FLT3: variants seen among roughly 807,000 people sequenced by gnomAD.
FLT3 encodes fms related receptor tyrosine kinase 3.
A neutral mutation model predicts 126.6 loss-of-function variants in FLT3; 46 were observed. The ratio of observed to expected loss-of-function variants is 0.36; its 90% confidence interval spans 0.29 to 0.46. The LOEUF is 0.46. Among genes scored for constraint, FLT3 ranks in the 20% least tolerant of loss-of-function variants. The pLI, the probability that FLT3 is intolerant of heterozygous loss-of-function variation, is 1.00. For synonymous variants in FLT3, 404 were observed against 434.4 expected (o/e 0.93, Z 0.87); for missense variants, 1,069 against 1,190.3 (o/e 0.90, Z 1.50).
intron 23 of FLT3, among the ~76,000 whole-genome samples, chr13:28,004,440 G>A (rs1042093136): frequency 1.3e-5 from 2 of 151,894 alleles, no homozygotes; most frequent in Non-Finnish European, 2.9e-5. Context: ...TGAGTAGCTG[G>A]GACCACAAGC....
rs1425699032 is a variant in FLT3, at chr13:28,014,451, C to T, written c.2859+1G>A. On this transcript the variant is annotated splice_donor_variant, in intron 23 of 23. Coordinates refer to ENST00000241453, the MANE Select transcript of FLT3 (RefSeq NM_004119.3). LOFTEE classifies it high-confidence loss of function. Reference sequence around the variant, plus strand: ...TTTATAAAGTCCTGGCTGCTACATACCGCTTCTTCTGCATCTGCCAGCTGA... The same window carrying T: ...TTTATAAAGTCCTGGCTGCTACATATCGCTTCTTCTGCATCTGCCAGCTGA... 1 of 1,605,540 alleles carries T rather than the reference C, an allele frequency of 6.2e-7. No homozygotes were observed. The highest frequency in any genetic ancestry group is 1.3e-5 in the African/African-American group (1 of 74,840).
At position 28,100,346 on chromosome 13, in the gene FLT3, G is replaced by T; in HGVS notation, c.43+122C>A. 1 of 642,842 alleles carries T rather than the reference G, an allele frequency of 1.6e-6. No homozygotes were observed. The highest frequency in any genetic ancestry group is 2.2e-6 in the Non-Finnish European group (1 of 458,352). 39.8% of individuals were successfully genotyped at this position (642,842 alleles called of 1,614,324 possible). A position where few individuals can be genotyped will look rare whatever the true frequency, so the allele number is the denominator to read the frequency against. On this transcript the variant is annotated intron_variant, in intron 1 of 23. Coordinates refer to ENST00000241453, the MANE Select transcript of FLT3 (RefSeq NM_004119.3). The surrounding 1 kb of genome is among the most constrained non-coding windows in gnomAD (Gnocchi z 4.8). ...GAGGGGAGGGGCGCGGGAGGCAATG[G>T]AAGGAGCGAGCGCGGGGAGGAGCGA... is the stretch of plus-strand genomic sequence containing the variant.
At chr13:28,073,519 A>T (rs925961383) in intron 1 of FLT3, 1 of 202,298 alleles carries the variant, frequency 4.9e-6, no homozygotes, top group East Asian at 1.4e-4. Context: ...TCTAGTCTTT[A>T]AAAAAATAGT....
At chr13:28,040,216 A>T (rs1215860988) in intron 9 of FLT3, among the ~76,000 whole-genome samples, 1 of 152,192 alleles carries the variant, frequency 6.6e-6, no homozygotes, top group African/African-American at 2.4e-5. Flanking sequence ...GAGGGGTAAT[A>T]AGCAGTTGGA....
intron 9 of FLT3, among the ~76,000 whole-genome samples, chr13:28,044,285 C>A (rs773271777): frequency 2.2e-4 from 33 of 151,736 alleles, no homozygotes; most frequent in Non-Finnish European, 4.1e-4. Context: ...CCCGTCTCTA[C>A]TAAAAATACA....
chr13:28,052,564 A>C lies in FLT3; in HGVS notation c.595T>G (p.Cys199Gly). The change falls in exon 5 of 24, where the codon TGC (cysteine) becomes GGC (glycine). Residue 199 changes from cysteine (C) to glycine (G), a missense_variant. Transcript: ENST00000241453. ...VPEPIVEWVL[C>G]DSQGESCKEE... ...TCATACCTTTCCCCCTGTGAATCGC[A>C]AAGCACCCATTCCACGATCGGCTCT... 1 of 1,613,470 alleles carries C rather than the reference A, an allele frequency of 6.2e-7. No homozygotes were observed. The highest frequency in any genetic ancestry group is 1.1e-5 in the South Asian group (1 of 90,970).
intron 1 of FLT3, among the ~76,000 whole-genome samples, chr13:28,075,540 CA>C (rs1877870127): frequency 6.6e-6 from 1 of 152,048 alleles, no homozygotes; most frequent in Non-Finnish European, 1.5e-5. Context: ...GCCTGGCCAA[CA>C]TGGTGAAACC....
chr13:28,073,939 C>T (rs12100078), intron 1 of FLT3, among the ~76,000 whole-genome samples: 2 of 20,294 alleles, frequency 9.9e-5, no homozygotes, highest in East Asian at 3.8e-3. Flanking sequence ...GATCCTGCCT[C>T]TAAAAAAAAA....
intron 18 of FLT3, among the ~76,000 whole-genome samples, chr13:28,023,901 G>C (rs571333720): frequency 6.6e-6 from 1 of 150,458 alleles, no homozygotes; most frequent in Non-Finnish European, 1.5e-5. Context: ...TCAGCTTCCC[G>C]AGTAGCTGGG....
chr13:28,013,582 G>A (rs1871579865), intron 23 of FLT3, among the ~76,000 whole-genome samples: 1 of 152,198 alleles, frequency 6.6e-6, no homozygotes, highest in South Asian at 2.1e-4. Flanking sequence ...GTTGATGGGG[G>A]AAGCGTTAGC....
intron 2 of FLT3, among the ~76,000 whole-genome samples, chr13:28,065,415 G>C (rs960652932): frequency 7.9e-5 from 12 of 152,120 alleles, no homozygotes; most frequent in Admixed American, 7.9e-4. Flanking sequence ...GCCAAGGCAA[G>C]AGGATCACTT....
intron 3 of FLT3, among the ~76,000 whole-genome samples, chr13:28,059,169 C>T (rs538411758): frequency 6.6e-6 from 1 of 152,274 alleles, no homozygotes; most frequent in South Asian, 2.1e-4. Flanking sequence ...TGTATTTGAC[C>T]TTAAAAACAA....
At chr13:28,054,643 G>A (rs1875845724) in intron 4 of FLT3, among the ~76,000 whole-genome samples, 1 of 152,164 alleles carries the variant, frequency 6.6e-6, no homozygotes, top group Admixed American at 6.5e-5. Flanking sequence ...ATGAGGAACT[G>A]CAAACTGACC....
At chr13:28,015,115 C>T (rs780604821) in intron 22 of FLT3, 42 bp downstream of exon 22, 3 of 1,235,374 alleles carry the variant, frequency 2.4e-6, no homozygotes, top group Non-Finnish European at 3.6e-6. Context: ...ACAGACTGTA[C>T]CTTTCTGATT....
intron 9 of FLT3, among the ~76,000 whole-genome samples, chr13:28,038,521 C>T (rs528871011): frequency 1.3e-5 from 2 of 150,536 alleles, no homozygotes; most frequent in African/African-American, 4.9e-5. Flanking sequence ...GGCGCTATCT[C>T]GGCTCACTGC....
intron 19 of FLT3, among the ~76,000 whole-genome samples, chr13:28,021,282 T>C (rs1872362436): frequency 6.6e-6 from 1 of 152,002 alleles, no homozygotes; most frequent in Non-Finnish European, 1.5e-5. Context: ...CCCAGCTACT[T>C]GGGAAGCCAA....
At chr13:28,064,530 C>G (rs1034064047) in intron 2 of FLT3, among the ~76,000 whole-genome samples, 21 of 151,488 alleles carry the variant, frequency 1.4e-4, no homozygotes. Flanking sequence ...CAAGATGGCA[C>G]TACTGTACTC....
At chr13:28,007,261 T>C (rs762494451) in intron 23 of FLT3, among the ~76,000 whole-genome samples, 1 of 152,204 alleles carries the variant, frequency 6.6e-6, no homozygotes, top group Admixed American at 6.5e-5. Flanking sequence ...CTTTTTTCTT[T>C]TTCAAGACAG....
intron 19 of FLT3, 36 bp from the exon 20 acceptor site, chr13:28,018,625 A>G (rs762658760): frequency 1.9e-6 from 3 of 1,610,896 alleles, no homozygotes; most frequent in African/African-American, 2.7e-5. Flanking sequence ...ATTTACTGTG[A>G]TGTGTATTAT....
Sources: allele counts gnomAD v4.1 joint callset (sites outside exome capture counted in the v4.1 genomes callset), GRCh38; gene constraint gnomAD v4.1.1; non-coding constraint Gnocchi (gnomAD v3.1); transcripts MANE v1.5; gene names NCBI Gene and HGNC (gene_info 2026-07-23, HGNC 2026-07-21).